The following SOX5 variants were observed in gnomAD, a reference collection of about 807,000 sequenced individuals.
SOX5 encodes the protein SRY-box transcription factor 5.
In SOX5, 9 loss-of-function variants were observed where a neutral mutation model predicts 92.0. The ratio of observed to expected loss-of-function variants is 0.10; its 90% CI spans 0.06 to 0.17. The LOEUF is 0.17. Ranked by LOEUF, SOX5 falls within the 10% of genes least tolerant of loss-of-function variation. The pLI, the probability that SOX5 is intolerant of heterozygous loss-of-function variation, is 1.00. For missense variants in SOX5, 642 were observed against 944.5 expected (o/e 0.68, Z 4.20); for synonymous variants, 344 against 336.3 (o/e 1.02, Z -0.25).
At chr12:23,587,786 C>T (rs985359337) in intron 9 of SOX5, among the ~76,000 whole-genome samples, 4 of 152,050 alleles carry the variant, frequency 2.6e-5, no homozygotes, top group African/African-American at 9.7e-5. Context: ...AATTTATATA[C>T]ATCCAATTCC....
At chr12:23,679,588 T>C (rs2086256791) in intron 6 of SOX5, among the ~76,000 whole-genome samples, 1 of 152,182 alleles carries the variant, frequency 6.6e-6, no homozygotes, top group Non-Finnish European at 1.5e-5. Context: ...AGACTTTACC[T>C]AACTTAGGTC....
At chr12:23,625,019 C>T (rs935532690) in intron 8 of SOX5, among the ~76,000 whole-genome samples, 3 of 151,862 alleles carry the variant, frequency 2.0e-5, no homozygotes, top group African/African-American at 7.2e-5. Context: ...ATACCATATG[C>T]GTATAAAGAA....
At chr12:24,542,392 C>T (rs1952217064) in intron 1 of SOX5, among the ~76,000 whole-genome samples, 2 of 152,222 alleles carry the variant, frequency 1.3e-5, no homozygotes, top group African/African-American at 2.4e-5. Context: ...TCTATGTATC[C>T]TTACAGCTGC....
At chr12:24,240,343 A>G (rs1001764576) in intron 3 of SOX5, among the ~76,000 whole-genome samples, 1 of 152,142 alleles carries the variant, frequency 6.6e-6, no homozygotes, top group Non-Finnish European at 1.5e-5. Flanking sequence ...TTCATTTGTC[A>G]ATACTGATGC....
At chr12:24,372,558 G>T (rs1820611324) in intron 1 of SOX5, among the ~76,000 whole-genome samples, 1 of 152,124 alleles carries the variant, frequency 6.6e-6, no homozygotes, top group Non-Finnish European at 1.5e-5. Context: ...TTGGTTCCAA[G>T]TCTTTGCTAT....
chr12:24,321,088 G>C (rs957393665), intron 2 of SOX5, among the ~76,000 whole-genome samples: 2 of 152,134 alleles, frequency 1.3e-5, no homozygotes, highest in Non-Finnish European at 2.9e-5. Flanking sequence ...CTTGTTAGAA[G>C]GCCTGGTTGT....
chr12:24,437,677 GA>G (rs1164960736), intron 1 of SOX5, among the ~76,000 whole-genome samples: 2 of 152,092 alleles, frequency 1.3e-5, no homozygotes, highest in African/African-American at 4.8e-5. Context: ...CATCAAACAT[GA>G]AAAAAAGCTC....
chr12:24,440,766 G>T (rs1940412405), intron 1 of SOX5, among the ~76,000 whole-genome samples: 1 of 152,088 alleles, frequency 6.6e-6, no homozygotes, highest in African/African-American at 2.4e-5. Context: ...GGAGAGGTGA[G>T]GCAAAGGGAG....
At chr12:23,720,139 T>G (rs1045610500) in intron 6 of SOX5, among the ~76,000 whole-genome samples, 1 of 152,200 alleles carries the variant, frequency 6.6e-6, no homozygotes, top group African/African-American at 2.4e-5. Flanking sequence ...TCCTGTTCTC[T>G]TATGTGAATG....
chr12:23,640,245 G>A lies in SOX5; in HGVS notation c.1017+567C>T, dbSNP rs371121404. ...TGGTAAAGTTATCGTTGACATTCTC[G>A]GATTATAGGAATATATATTTCGCAC... is the stretch of plus-strand genomic sequence containing the variant. On this transcript the variant is annotated intron_variant, in intron 8 of 14. Transcript: ENST00000451604. Among the ~76,000 whole-genome samples, 4 of 152,218 alleles carry A rather than the reference G, an allele frequency of 2.6e-5. 1 individual carries two copies. The highest frequency in any genetic ancestry group is 1.9e-4 in the East Asian group (1 of 5,170).
At chr12:24,195,869 T>G (rs1956961613) in intron 4 of SOX5, among the ~76,000 whole-genome samples, 2 of 152,028 alleles carry the variant, frequency 1.3e-5, no homozygotes, top group South Asian at 4.2e-4. Context: ...ATACATAAAC[T>G]CTGTGCATGT....
intron 6 of SOX5, among the ~76,000 whole-genome samples, chr12:23,717,406 A>C (rs1430156010): frequency 6.6e-6 from 1 of 152,080 alleles, no homozygotes; most frequent in Non-Finnish European, 1.5e-5. Flanking sequence ...CCTCAACCAT[A>C]ATTTTTTTTC....
Position 23,782,938 on chromosome 12 carries a change from A to G in SOX5, c.482-27214T>C, listed in dbSNP as rs1316695073. Among the ~76,000 whole-genome samples the G allele has an allele frequency of 2.0e-5, 3 of 152,212 alleles. No homozygotes were observed. In the East Asian group the frequency reaches 5.8e-4, roughly 29 times the overall value. Reference sequence around the variant, plus strand: ...TATAAGCTCTCTGATCATCAAATTTAATAAATATTCTGTAAGGCCCTTTGA... The same window carrying G: ...TATAAGCTCTCTGATCATCAAATTTGATAAATATTCTGTAAGGCCCTTTGA... On this transcript the variant is annotated intron_variant, in intron 3 of 14. Transcript: ENST00000451604.
At chr12:24,537,520 T>A (rs1193478008) in intron 1 of SOX5, among the ~76,000 whole-genome samples, 1 of 152,194 alleles carries the variant, frequency 6.6e-6, no homozygotes, top group African/African-American at 2.4e-5. Flanking sequence ...GTATATAACA[T>A]TTTAACATCA....
chr12:23,703,719 T>G (rs1308715160), intron 6 of SOX5, among the ~76,000 whole-genome samples: 1 of 128,572 alleles, frequency 7.8e-6, no homozygotes, highest in Non-Finnish European at 1.6e-5. Flanking sequence ...CCTCTTCATT[T>G]CTCAGGGGAC....
At chr12:24,114,509 G>A (rs1045639092) in intron 4 of SOX5, among the ~76,000 whole-genome samples, 3 of 136,054 alleles carry the variant, frequency 2.2e-5, no homozygotes, top group African/African-American at 8.3e-5. Context: ...CTGGGAAGTG[G>A]AGGTTGCAGT....
At chr12:23,667,729 T>C (rs1234493717) in intron 6 of SOX5, among the ~76,000 whole-genome samples, 2 of 152,146 alleles carry the variant, frequency 1.3e-5, no homozygotes, top group East Asian at 1.9e-4. Context: ...AAAAGGGAGC[T>C]AAATGAAAAA....
intron 6 of SOX5, among the ~76,000 whole-genome samples, chr12:23,693,427 GT>G (rs201029887): frequency 0.014 from 2,180 of 152,120 alleles, 18 homozygotes; most frequent in South Asian, 0.028. Context: ...CCCAGCCCTG[GT>G]TTTATTTTTA....
upstream of SOX5, among the ~76,000 whole-genome samples, chr12:23,954,551 C>T (rs1316996071): frequency 6.6e-6 from 1 of 151,950 alleles, no homozygotes; most frequent in Non-Finnish European, 1.5e-5. Context: ...ATTGACCTAT[C>T]ACATGTAGCT....
Sources: allele counts gnomAD v4.1 joint callset (sites outside exome capture counted in the v4.1 genomes callset), GRCh38; gene constraint gnomAD v4.1.1; transcripts MANE v1.5; gene names NCBI Gene and HGNC (gene_info 2026-07-23, HGNC 2026-07-21).